The following ODAD2 variants were observed in gnomAD, a reference collection of about 807,000 sequenced individuals.
The protein encoded by ODAD2 is outer dynein arm docking complex subunit 2, also known as outer dynein arm-docking complex subunit 2.
A neutral mutation model predicts 106.8 loss-of-function variants in ODAD2; 89 were observed. The ratio of observed to expected loss-of-function variants is 0.83; its 90% CI spans 0.70 to 0.99. The LOEUF (loss-of-function observed/expected upper bound fraction) is 0.99. ODAD2 is among the 50% of genes least tolerant of loss of function. ODAD2 has a pLI of 0.00. For missense variants in ODAD2, 1,168 were observed against 1,238.5 expected, an observed-to-expected ratio of 0.94 and a Z score of 0.85; for synonymous variants, 404 against 436.2, an observed-to-expected ratio of 0.93 and a Z score of 0.92.
intron 2 of ODAD2, among the ~76,000 whole-genome samples, chr10:27,992,416 C>T (rs1850285695): frequency 6.6e-6 from 1 of 152,176 alleles, no homozygotes; most frequent in African/African-American, 2.4e-5. Flanking sequence ...GAGCTGGGCA[C>T]AGCAGCTCAG....
Position 27,812,239 on chromosome 10 carries a change from T to A in ODAD2, c.*273A>T. The A allele has an allele frequency of 2.5e-6, 1 of 396,732 alleles. No homozygotes were observed. Among genetic ancestry groups the A allele is most frequent in the Non-Finnish European group, 4.4e-6 (1 of 226,050 alleles). 24.6% of individuals were successfully genotyped at this position (396,732 alleles called of 1,614,324 possible). The stretch of plus-strand genomic sequence containing the variant: ...GCATCACTGAACTAAAAATACATCA[T>A]ATACGTATATTCTCATATTCTTAGA... On this transcript the variant is annotated 3_prime_UTR_variant, in exon 20 of 20. Coordinates refer to ENST00000305242, the MANE Select transcript of ODAD2 (RefSeq NM_018076.5).
At chr10:27,869,834 C>A (rs73604090) in intron 17 of ODAD2, among the ~76,000 whole-genome samples, 3,376 of 152,062 alleles carry the variant, frequency 0.022, 148 homozygotes, top group African/African-American at 0.077. Context: ...CATGCCTGGC[C>A]GACCAAGTCA....
At chr10:27,850,319 C>T (rs961842599) in intron 19 of ODAD2, among the ~76,000 whole-genome samples, 1 of 151,966 alleles carries the variant, frequency 6.6e-6, no homozygotes, top group African/African-American at 2.4e-5. Context: ...GTGGCAGGCG[C>T]CTGTAGTCGC....
chr10:27,992,440 G>T (rs1850287015), intron 2 of ODAD2, among the ~76,000 whole-genome samples: 1 of 152,182 alleles, frequency 6.6e-6, no homozygotes, highest in Non-Finnish European at 1.5e-5. Context: ...TGAAATACCA[G>T]CAATTCAGGG....
At position 27,944,401 on chromosome 10, in the gene ODAD2, T is replaced by G; in HGVS notation, c.1564A>C (p.Ser522Arg). ...IGSLKILKEISHNPQIRQNIV... is the reference protein window; with the variant it reads ...IGSLKILKEIRHNPQIRQNIV... ...TTCTGTCTGATTTGAGGATTATGAC[T>G]GATTTCCTTCAGTATTTTTAATGAA... is the stretch of plus-strand genomic sequence containing the variant. Residue 522 changes from serine (S) to arginine (R), a missense_variant, in exon 12 of 20, where the codon AGT (serine) becomes CGT (arginine). Ser to Arg is a moderately radical substitution (Grantham distance 110). Around this residue, in one of 3 missense-constraint regions of ODAD2, gnomAD observed 701 missense variants for 712.3 expected, o/e 0.98. Coordinates refer to ENST00000305242, the MANE Select transcript of ODAD2 (RefSeq NM_018076.5). The G allele has an allele frequency of 6.2e-7, 1 of 1,613,954 alleles. No homozygotes were observed. Among genetic ancestry groups the G allele is most frequent in the Non-Finnish European group, 8.5e-7 (1 of 1,179,862 alleles).
Position 27,853,365 on chromosome 10 carries a change from T to TATAA in ODAD2, c.3021+7256_3021+7259dup, listed in dbSNP as rs143299831. 670 of 259,228 alleles carry TATAA rather than the reference T, an allele frequency of 2.6e-3. 6 individuals are homozygous for TATAA. The highest frequency in any genetic ancestry group is 7.7e-3 in the East Asian group (60 of 7,764). The allele number at this position is 259,228 out of a possible 1,614,324, so 16.1% of individuals were successfully genotyped here. A position where few individuals can be genotyped will look rare whatever the true frequency, so the allele number is the denominator to read the frequency against. Reference sequence around the variant, plus strand: ...CCTGGCGACATGGCGAGACTCTGTCTATAAATAAATAAATAAATAAATAAA... The same window carrying TATAA: ...CCTGGCGACATGGCGAGACTCTGTCTATAAATAAATAAATAAATAAATAAATAAA... On this transcript the variant is annotated intron_variant, in intron 19 of 19. Transcript: ENST00000305242.
At chr10:27,950,296 CAA>C (rs1847239442) in intron 10 of ODAD2, among the ~76,000 whole-genome samples, 1 of 152,126 alleles carries the variant, frequency 6.6e-6, no homozygotes, top group South Asian at 2.1e-4. Context: ...AGAAATGGTA[CAA>C]AGTGAGTGCT....
intron 19 of ODAD2, among the ~76,000 whole-genome samples, chr10:27,842,247 C>G (rs1048145453): frequency 2.0e-5 from 3 of 152,126 alleles, no homozygotes; most frequent in African/African-American, 7.2e-5. Context: ...GAGGGTTATG[C>G]GAGCCTTGGG....
intron 17 of ODAD2, among the ~76,000 whole-genome samples, chr10:27,871,936 T>G (rs1840929127): frequency 6.6e-6 from 1 of 152,214 alleles, no homozygotes; most frequent in African/African-American, 2.4e-5. Context: ...AATCTATAAA[T>G]TACCTTGGGC....
chr10:27,826,373 C>T (rs1193602633), intron 19 of ODAD2, among the ~76,000 whole-genome samples: 1 of 152,180 alleles, frequency 6.6e-6, no homozygotes, highest in Non-Finnish European at 1.5e-5. Context: ...TCCATCGGCT[C>T]TCCGTGTTGC....
intron 16 of ODAD2, among the ~76,000 whole-genome samples, chr10:27,925,212 G>T (rs1490190601): frequency 6.6e-6 from 1 of 151,994 alleles, no homozygotes; most frequent in Admixed American, 6.6e-5. Flanking sequence ...GGAATGCAAG[G>T]TTAGTTCAAT....
intron 19 of ODAD2, among the ~76,000 whole-genome samples, chr10:27,836,634 A>G (rs1837909868): frequency 6.6e-6 from 1 of 152,176 alleles, no homozygotes; most frequent in Admixed American, 6.6e-5. Context: ...TTTAGGGCCT[A>G]TGAGCTTGCA....
intron 16 of ODAD2, among the ~76,000 whole-genome samples, chr10:27,911,336 G>A (rs976451676): frequency 6.6e-6 from 1 of 152,236 alleles, no homozygotes; most frequent in African/African-American, 2.4e-5. Flanking sequence ...TGCTCTGCAC[G>A]TGTCCAGGAA....
intron 19 of ODAD2, among the ~76,000 whole-genome samples, chr10:27,833,950 A>C (rs890092409): frequency 6.6e-6 from 1 of 152,248 alleles, no homozygotes; most frequent in African/African-American, 2.4e-5. Flanking sequence ...TTCCAAGCCG[A>C]GAAAGGACAG....
In ODAD2 at chr10:27,944,207, A is replaced by G; in HGVS notation, c.1743+15T>C. 6.2e-7 allele frequency: 1 copy of G among 1,604,224 alleles called. No homozygotes were observed. The highest frequency in any genetic ancestry group is 8.5e-7 in the Non-Finnish European group (1 of 1,175,614). On this transcript the variant is annotated intron_variant, in intron 12 of 19. Transcript: ENST00000305242. The stretch of plus-strand genomic sequence containing the variant: ...GCTGGCACTAGATGACGATGACAAC[A>G]TCACGGCTACTCACCAGTTTGGTGA...
chr10:27,940,856 T>G (rs1409540496), intron 12 of ODAD2, 51 bp from the exon 13 acceptor site: 1 of 1,565,874 alleles, frequency 6.4e-7, no homozygotes, highest in South Asian at 1.2e-5. Flanking sequence ...AAAGAACATT[T>G]AAGGCATTCT....
At chr10:27,983,149 T>A (rs1291082156) in intron 6 of ODAD2, among the ~76,000 whole-genome samples, 1 of 152,144 alleles carries the variant, frequency 6.6e-6, no homozygotes, top group African/African-American at 2.4e-5. Flanking sequence ...GTTTCCAGGT[T>A]TGTTGATTTT....
chr10:27,843,256 C>T lies in ODAD2; in HGVS notation c.3021+17369G>A, dbSNP rs1481109382. 2.0e-5 allele frequency among the ~76,000 whole-genome samples: 3 copies of T among 152,120 alleles called. No homozygotes were observed. In the East Asian group the frequency reaches 5.8e-4, roughly 29 times the overall value. On this transcript the variant is annotated intron_variant, in intron 19 of 19. Coordinates refer to ENST00000305242, the MANE Select transcript of ODAD2 (RefSeq NM_018076.5). The stretch of plus-strand genomic sequence containing the variant: ...TAAAATAAAAACAGCCTATCTGCAA[C>T]AAATCTGTGCATGAAAATCTTGAAG...
chr10:27,903,116 T>A (rs558593711), intron 17 of ODAD2, among the ~76,000 whole-genome samples: 1 of 152,308 alleles, frequency 6.6e-6, no homozygotes, highest in African/African-American at 2.4e-5. Context: ...CAAGTCAGCT[T>A]CATCCCTGGG....
Sources: allele counts gnomAD v4.1 joint callset (sites outside exome capture counted in the v4.1 genomes callset), GRCh38; gene constraint gnomAD v4.1.1; regional missense constraint gnomAD v4.1.1; transcripts MANE v1.5; gene names NCBI Gene and HGNC (gene_info 2026-07-23, HGNC 2026-07-21).